ERICH2: variants seen among roughly 807,000 people sequenced by gnomAD.
ERICH2 encodes glutamate-rich protein 2.
In ERICH2, 17 loss-of-function variants were observed where a neutral mutation model predicts 17.4. That is an observed-to-expected ratio of 0.98 (90% CI 0.67 to 1.47). ERICH2 has a LOEUF of 1.47. ERICH2 is among the 40% of genes most tolerant of loss of function. The probability of loss-of-function intolerance (pLI) is 0.00; values close to 1 mark genes in which losing one functional copy is unlikely to be tolerated. For missense variants in ERICH2, 186 were observed against 183.2 expected, an observed-to-expected ratio of 1.01 and a Z score of -0.09; for synonymous variants, 51 against 61.1, an observed-to-expected ratio of 0.83 and a Z score of 0.77.
the ERICH2 span, chr2:170,771,427 G>A: frequency 6.6e-6 from 1 of 152,206 alleles, no homozygotes; most frequent in African/African-American, 2.4e-5. The surrounding 1 kb of genome is among the most constrained non-coding windows in gnomAD (Gnocchi z 4.8). Flanking sequence ...GGTCGGAAGA[G>A]GTGAGGAAGC....
chr2:170,784,886 T>C, intron 2 of ERICH2, 53 bp downstream of exon 7: 2 of 1,297,688 alleles, frequency 1.5e-6, no homozygotes, highest in Non-Finnish European at 2.0e-6. Context: ...TTGAAATAAC[T>C]AAAGACTGAA....
chr2:170,790,364 C>T (rs747201179), intron 2 of ERICH2, among the ~76,000 whole-genome samples: 5 of 152,114 alleles, frequency 3.3e-5, no homozygotes, highest in Admixed American at 6.6e-5. Context: ...TGGTGCCTCA[C>T]GCCTGTAATC....
chr2:170,798,922 G>A (rs1236880436), exon 5 of ERICH2: 32 of 1,549,422 alleles, frequency 2.1e-5, no homozygotes, highest in Non-Finnish European at 2.8e-5. Context: ...GAAGCTTCAT[G>A]TATTTTCATT....
At chr2:170,788,875 C>T (rs1315570111) in intron 2 of ERICH2, among the ~76,000 whole-genome samples, 1 of 152,124 alleles carries the variant, frequency 6.6e-6, no homozygotes, top group East Asian at 1.9e-4. Context: ...AACATTGTGC[C>T]TCATTTGCTT....
chr2:170,772,034 TTTG>T, the ERICH2 span, among the ~76,000 whole-genome samples: 5 of 152,240 alleles, frequency 3.3e-5, no homozygotes, highest in African/African-American at 4.8e-5. Context: ...TAATTTTTAT[TTTG>T]TTTTTTGTGA....
the ERICH2 span, among the ~76,000 whole-genome samples, chr2:170,772,563 A>G: frequency 6.6e-6 from 1 of 152,252 alleles, no homozygotes; most frequent in Non-Finnish European, 1.5e-5. Flanking sequence ...CAGAGTCTGG[A>G]ATCCTAGCAC....
intron 3 of ERICH2, among the ~76,000 whole-genome samples, chr2:170,796,437 T>TG (rs1359293490): frequency 0.037 from 796 of 21,712 alleles, 9 homozygotes; most frequent in African/African-American, 0.064. Flanking sequence ...TGTTTTTTTT[T>TG]TTGTTTTTTT....
At chr2:170,795,383 T>C (rs564752944) in intron 3 of ERICH2, among the ~76,000 whole-genome samples, 1 of 152,316 alleles carries the variant, frequency 6.6e-6, no homozygotes, top group South Asian at 2.1e-4. Context: ...GGTCTCACTC[T>C]GTCACCCAGG....
chr2:170,777,383 A>G, the ERICH2 span: 1 of 1,145,336 alleles, frequency 8.7e-7, no homozygotes. Flanking sequence ...TTAGACAGCA[A>G]AGAACAAACA....
At chr2:170,771,592 C>G in the ERICH2 span, among the ~76,000 whole-genome samples, 1 of 152,262 alleles carries the variant, frequency 6.6e-6, no homozygotes, top group Non-Finnish European at 1.5e-5. This position sits in a 1 kb window ranked among gnomAD's most constrained non-coding sequence, Gnocchi z 4.8. Context: ...CGACCCCCTT[C>G]CCTCAGTCCT....
intron 2 of ERICH2, among the ~76,000 whole-genome samples, chr2:170,791,205 T>C (rs1443840165): frequency 1.3e-5 from 2 of 152,086 alleles, no homozygotes; most frequent in African/African-American, 2.4e-5. Flanking sequence ...GAACATACCA[T>C]GTTTAAGACC....
chr2:170,792,977 TC>T, intron 3 of ERICH2, 57 bp downstream of exon 8: 1 of 1,038,464 alleles, frequency 9.6e-7, no homozygotes, highest in South Asian at 1.7e-5. Context: ...AAAAATGAAT[TC>T]CGTAATATAT....
intron 3 of ERICH2, among the ~76,000 whole-genome samples, chr2:170,794,068 T>C (rs1406094260): frequency 1.3e-5 from 2 of 151,354 alleles, no homozygotes; most frequent in Admixed American, 1.3e-4. Context: ...CTTTCTTTCT[T>C]TCTTTCCTTC....
At chr2:170,794,247 C>T (rs1426992558) in intron 3 of ERICH2, among the ~76,000 whole-genome samples, 2 of 150,918 alleles carry the variant, frequency 1.3e-5, no homozygotes, top group Admixed American at 6.7e-5. Flanking sequence ...GCTGGGATTA[C>T]AGGCTTGTGC....
chr2:170,784,979 G>A (rs1390025807), intron 2 of ERICH2, 146 bp downstream of exon 7: 7 of 617,766 alleles, frequency 1.1e-5, no homozygotes, highest in African/African-American at 9.4e-5. Flanking sequence ...GAAGCTGGAC[G>A]GGAAGAAGGG....
chr2:170,779,096 G>A (rs1229390275), upstream of ERICH2, among the ~76,000 whole-genome samples: 1 of 152,170 alleles, frequency 6.6e-6, no homozygotes, highest in East Asian at 1.9e-4. Context: ...GTGTAGTTTT[G>A]TCACCTCAGG....
At chr2:170,792,817 T>C in intron 2 of ERICH2, 46 bp from the exon 8 acceptor site, 1 of 1,253,376 alleles carries the variant, frequency 8.0e-7, no homozygotes, top group Non-Finnish European at 1.1e-6. Flanking sequence ...AGTTTAGAGT[T>C]GACAACATTT....
chr2:170,781,248 T>C (rs1357973463), upstream of ERICH2, among the ~76,000 whole-genome samples: 1 of 152,188 alleles, frequency 6.6e-6, no homozygotes, highest in African/African-American at 2.4e-5. Context: ...AATAATACTT[T>C]ACATCTTTTT....
chr2:170,776,653 C>A, the ERICH2 span, among the ~76,000 whole-genome samples: 1 of 152,176 alleles, frequency 6.6e-6, no homozygotes, highest in Non-Finnish European at 1.5e-5. Flanking sequence ...GCTGAGATTA[C>A]AGGCTTGAGC....
Sources: allele counts gnomAD v4.1 joint callset (sites outside exome capture counted in the v4.1 genomes callset), GRCh38; gene constraint gnomAD v4.1.1; non-coding constraint Gnocchi (gnomAD v3.1); transcripts MANE v1.5; gene names NCBI Gene and HGNC (gene_info 2026-07-23, HGNC 2026-07-21).